SGCZ: variants seen among roughly 807,000 people sequenced by gnomAD.
SGCZ encodes sarcoglycan zeta, also known as zeta-sarcoglycan.
Under a neutral mutation model 41.3 loss-of-function variants are expected in SGCZ, and 40 were observed. The observed-to-expected ratio is 0.97, with a 90% CI of 0.75 to 1.26. The LOEUF is 1.26. Among genes scored for constraint, SGCZ ranks in the 50% most tolerant of loss-of-function variants. SGCZ has a pLI of 0.00. For synonymous variants in SGCZ, 206 were observed against 137.5 expected (o/e 1.50, Z -3.49); for missense variants, 552 against 369.8 (o/e 1.49, Z -4.04).
At chr8:14,613,421 G>A (rs989364221) in intron 1 of SGCZ, among the ~76,000 whole-genome samples, 1 of 152,122 alleles carries the variant, frequency 6.6e-6, no homozygotes, top group Admixed American at 6.6e-5. Flanking sequence ...TTGTCTCTTA[G>A]ATAAAATCTA....
intron 4 of SGCZ, among the ~76,000 whole-genome samples, chr8:14,182,785 G>T (rs368285311): frequency 6.6e-6 from 1 of 151,940 alleles, no homozygotes; most frequent in Non-Finnish European, 1.5e-5. Flanking sequence ...GAGAGGGGGC[G>T]GATCACCTGA....
chr8:14,810,039 G>A (rs1027824180), intron 1 of SGCZ, among the ~76,000 whole-genome samples: 1 of 151,964 alleles, frequency 6.6e-6, no homozygotes, highest in Non-Finnish European at 1.5e-5. Context: ...ATATCTTTTA[G>A]ATCTGTTTTT....
intron 1 of SGCZ, among the ~76,000 whole-genome samples, chr8:14,844,184 C>T (rs1316001149): frequency 1.3e-5 from 2 of 152,040 alleles, no homozygotes; most frequent in Admixed American, 1.3e-4. Context: ...ATATAACCTA[C>T]ACACATTCCC....
intron 1 of SGCZ, among the ~76,000 whole-genome samples, chr8:14,790,715 G>C (rs1324489026): frequency 6.6e-6 from 1 of 152,098 alleles, no homozygotes; most frequent in Non-Finnish European, 1.5e-5. Context: ...ACTAACACTG[G>C]AAATTGATTA....
intron 3 of SGCZ, among the ~76,000 whole-genome samples, chr8:14,274,712 TC>T (rs1271857960): frequency 6.6e-6 from 1 of 151,810 alleles, no homozygotes; most frequent in African/African-American, 2.4e-5. Flanking sequence ...TACATTTTTT[TC>T]CACATATAAT....
At chr8:14,714,573 A>T (rs1250322827) in intron 1 of SGCZ, among the ~76,000 whole-genome samples, 1 of 152,184 alleles carries the variant, frequency 6.6e-6, no homozygotes, top group Non-Finnish European at 1.5e-5. Flanking sequence ...GTCTTAGCCA[A>T]TAATAATGTC....
intron 1 of SGCZ, among the ~76,000 whole-genome samples, chr8:14,665,076 C>T (rs747794835): frequency 6.6e-6 from 1 of 152,180 alleles, no homozygotes; most frequent in Non-Finnish European, 1.5e-5. Flanking sequence ...AGGTTTGTTA[C>T]ATATGTATAC....
At chr8:15,026,468 CA>C (rs1156961151) in intron 1 of SGCZ, among the ~76,000 whole-genome samples, 1 of 152,104 alleles carries the variant, frequency 6.6e-6, no homozygotes, top group Non-Finnish European at 1.5e-5. Context: ...AAATTACAGA[CA>C]AAAAGTTTGC....
chr8:15,167,180 G>C (rs1022184883), intron 1 of SGCZ, among the ~76,000 whole-genome samples: 1 of 152,156 alleles, frequency 6.6e-6, no homozygotes, highest in African/African-American at 2.4e-5. Context: ...TGGCAATAAG[G>C]CTATTTGCAT....
chr8:14,297,078 T>C (rs1801037304), intron 3 of SGCZ, among the ~76,000 whole-genome samples: 1 of 152,046 alleles, frequency 6.6e-6, no homozygotes, highest in African/African-American at 2.4e-5. Context: ...CACACCAGCA[T>C]GCCCAGCTAA....
chr8:15,158,214 C>G (rs1156404520), intron 1 of SGCZ, among the ~76,000 whole-genome samples: 2 of 151,810 alleles, frequency 1.3e-5, no homozygotes, highest in African/African-American at 2.4e-5. Context: ...TCAGGGAATC[C>G]CTTTCCTCCT....
At chr8:14,692,095 T>C (rs1229372906) in intron 1 of SGCZ, among the ~76,000 whole-genome samples, 1 of 152,016 alleles carries the variant, frequency 6.6e-6, no homozygotes, top group Non-Finnish European at 1.5e-5. Context: ...GTCAAGAATT[T>C]CTTGTGAAAA....
intron 4 of SGCZ, among the ~76,000 whole-genome samples, chr8:14,227,944 T>C (rs1344299391): frequency 6.6e-6 from 1 of 152,030 alleles, no homozygotes; most frequent in East Asian, 1.9e-4. Flanking sequence ...AGCTTCTCTC[T>C]CTCTCTACCC....
chr8:15,001,299 C>T (rs181948005), intron 1 of SGCZ, among the ~76,000 whole-genome samples: 14 of 152,326 alleles, frequency 9.2e-5, no homozygotes, highest in African/African-American at 2.9e-4. Flanking sequence ...AGCCCTTAGA[C>T]TCATCTTTCT....
chr8:14,551,570 A>G (rs917993252), intron 2 of SGCZ, among the ~76,000 whole-genome samples: 1 of 17,194 alleles, frequency 5.8e-5, no homozygotes, highest in African/African-American at 3.7e-4. Flanking sequence ...TATATATATA[A>G]TATATATATA....
chr8:14,476,268 C>T (rs1801357626), intron 2 of SGCZ, among the ~76,000 whole-genome samples: 1 of 152,100 alleles, frequency 6.6e-6, no homozygotes, highest in African/African-American at 2.4e-5. Flanking sequence ...TATCATCCAA[C>T]TCACTGGGAC....
At chr8:14,772,100 T>C (rs1042778144) in intron 1 of SGCZ, among the ~76,000 whole-genome samples, 54 of 152,154 alleles carry the variant, frequency 3.5e-4, no homozygotes, top group African/African-American at 1.3e-3. Context: ...TAGTATTCAA[T>C]AAGTTACCTG....
At position 14,324,117 on chromosome 8, in the gene SGCZ, T is replaced by C; in HGVS notation, c.322A>G (p.Ile108Val). Reference protein sequence around the residue: ...EFLLPLYVKEIHSRKDSPLVL... With the variant: ...EFLLPLYVKEVHSRKDSPLVL... ...GTATCACATACCTTTCGAGAATGAA[T>C]TTCTTTCACATACAATGGAAGTAGA... Residue 108 changes from isoleucine to valine, a missense_variant, in exon 3 of 8, where the codon ATT becomes GTT. Transcript: ENST00000382080. The C allele has an allele frequency of 6.2e-7, 1 of 1,611,572 alleles. No individual in the cohort carries two copies.
In SGCZ at chr8:14,582,819, C is replaced by G. The variant is rs1420059990; in HGVS notation, c.40-27893G>C. On this transcript the variant is annotated intron_variant, in intron 1 of 7. Transcript: ENST00000382080. ...TGATGATTTCCAGTTTCATCCATGT[C>G]CCTACAAAGGACATGAACTCATCAT... Among the ~76,000 whole-genome samples the G allele has an allele frequency of 6.3e-3, 955 of 151,282 alleles. 9 individuals are homozygous for G. The highest frequency in any genetic ancestry group is 0.022 in the African/African-American group (906 of 40,994).
Sources: allele counts gnomAD v4.1 joint callset (sites outside exome capture counted in the v4.1 genomes callset), GRCh38; gene constraint gnomAD v4.1.1; transcripts MANE v1.5; gene names NCBI Gene and HGNC (gene_info 2026-07-23, HGNC 2026-07-21).